Variants in BRCC3 observed in about 807,000 individuals in gnomAD.
The protein encoded by BRCC3 is BRCA1/BRCA2-containing complex subunit 3.
BRCC3 carries 15 observed loss-of-function variants against 28.0 expected under a neutral mutation model. That is an observed-to-expected ratio of 0.54 (90% confidence interval 0.36 to 0.82). The LOEUF (loss-of-function observed/expected upper bound fraction) is 0.82. BRCC3 is among the 40% of genes least tolerant of loss of function. The pLI is 0.01. For synonymous variants in BRCC3, 66 were observed against 80.3 expected (o/e 0.82, Z 0.95); for missense variants, 109 against 225.9 (o/e 0.48, Z 3.32).
At chrX:155,105,983 A>G (rs1366778040) in intron 7 of BRCC3, among the ~76,000 whole-genome samples, 1 of 112,278 alleles carries the variant, frequency 8.9e-6, no homozygotes, top group East Asian at 2.8e-4. Flanking sequence ...CACCACGCCC[A>G]TCCAAGACCC....
At chrX:155,121,085 A>G (rs782576728) in intron 10 of BRCC3, 138 bp from the exon 11 acceptor site, 5 of 111,773 alleles carry the variant, frequency 4.5e-5, no homozygotes, top group Non-Finnish European at 9.4e-5. Flanking sequence ...GTCATACTCT[A>G]TCTCTGGGGA....
chrX:155,091,364 C>T (rs782750456), intron 7 of BRCC3, among the ~76,000 whole-genome samples: 2 of 110,161 alleles, frequency 1.8e-5, no homozygotes, highest in African/African-American at 6.6e-5. Context: ...CTCCACCTCC[C>T]GGGTTCATGC....
intron 7 of BRCC3, chrX:155,099,397 G>A: frequency 1.7e-6 from 2 of 1,204,870 alleles, no homozygotes; most frequent in South Asian, 3.6e-5. Context: ...AAGGTAGGAG[G>A]GCAAAAAGGG....
At chrX:155,099,289 T>A (rs1397376131) in intron 7 of BRCC3, 13 of 1,199,560 alleles carry the variant, frequency 1.1e-5, no homozygotes, top group Non-Finnish European at 1.1e-5. Flanking sequence ...TGCTTCACCA[T>A]CTTGGTGTGT....
At chrX:155,072,872 T>C (rs2073998757) in intron 2 of BRCC3, among the ~76,000 whole-genome samples, 1 of 111,041 alleles carries the variant, frequency 9.0e-6, no homozygotes, top group Non-Finnish European at 1.9e-5. Context: ...TCAGTGTATT[T>C]CATGTTCTGT....
At chrX:155,089,433 CTT>C (rs1557295361) in intron 6 of BRCC3, 82 bp downstream of exon 6, 5 of 606,428 alleles carry the variant, frequency 8.2e-6, no homozygotes, top group Non-Finnish European at 2.5e-6. Flanking sequence ...AGAAAAATCT[CTT>C]TGCGATTTTA....
intron 5 of BRCC3, among the ~76,000 whole-genome samples, chrX:155,084,539 AT>A (rs2124255786): frequency 9.0e-6 from 1 of 111,429 alleles, no homozygotes; most frequent in South Asian, 3.8e-4. Context: ...ATTTTTTTGC[AT>A]TTTTAGTAGA....
intron 5 of BRCC3, among the ~76,000 whole-genome samples, chrX:155,087,562 G>A (rs906305829): frequency 3.2e-4 from 36 of 110,933 alleles, no homozygotes; most frequent in African/African-American, 1.2e-3. Flanking sequence ...GTGTAGATTT[G>A]AAGCCACAAA....
intron 7 of BRCC3, among the ~76,000 whole-genome samples, chrX:155,113,501 G>T (rs1033497916): frequency 9.0e-6 from 1 of 110,893 alleles, no homozygotes; most frequent in African/African-American, 3.3e-5. Flanking sequence ...AAACTTAAAT[G>T]AATTAAAGAC....
chrX:155,076,210 C>T (rs2074041097), intron 3 of BRCC3, among the ~76,000 whole-genome samples: 4 of 110,521 alleles, frequency 3.6e-5, no homozygotes, highest in African/African-American at 1.3e-4. Context: ...TTGAGACCAG[C>T]CTAGCCAATA....
At chrX:155,089,971 A>G (rs1557295438) in intron 6 of BRCC3, among the ~76,000 whole-genome samples, 1 of 112,168 alleles carries the variant, frequency 8.9e-6, no homozygotes. Context: ...TCATGGAGGT[A>G]AGAGTGAAGA....
intron 5 of BRCC3, among the ~76,000 whole-genome samples, chrX:155,085,390 T>C (rs1161180326): frequency 1.8e-5 from 2 of 112,595 alleles, no homozygotes; most frequent in African/African-American, 6.5e-5. Context: ...AGGGGCCCAG[T>C]GCATGTGACA....
chrX:155,115,362 C>T (rs1377926168), intron 7 of BRCC3, among the ~76,000 whole-genome samples: 1 of 111,614 alleles, frequency 9.0e-6, no homozygotes, highest in African/African-American at 3.3e-5. Context: ...AGCTGCCTTA[C>T]CACCATGTGC....
intron 5 of BRCC3, among the ~76,000 whole-genome samples, chrX:155,085,778 AG>A (rs1236172820): frequency 1.8e-5 from 2 of 111,852 alleles, no homozygotes; most frequent in Non-Finnish European, 3.8e-5. Flanking sequence ...GATCTCAAGC[AG>A]GGTCTTGGCT....
intron 3 of BRCC3, among the ~76,000 whole-genome samples, chrX:155,074,981 A>G (rs983147905): frequency 5.3e-5 from 6 of 112,628 alleles, no homozygotes; most frequent in Non-Finnish European, 1.1e-4. Context: ...ATCCATATAC[A>G]TAATTTTAAA....
At chrX:155,101,575 C>T (rs2074247241) in intron 7 of BRCC3, among the ~76,000 whole-genome samples, 1 of 111,949 alleles carries the variant, frequency 8.9e-6, no homozygotes, top group East Asian at 2.8e-4. Context: ...TTAATGTGAA[C>T]ACCTGGATCC....
At chrX:155,086,975 G>A (rs1217972688) in intron 5 of BRCC3, among the ~76,000 whole-genome samples, 1 of 112,220 alleles carries the variant, frequency 8.9e-6, no homozygotes, top group Non-Finnish European at 1.9e-5. Flanking sequence ...GAAAGGCTGA[G>A]AGGTGGCCAG....
chrX:155,108,048 C>T (rs1557297716), intron 7 of BRCC3, among the ~76,000 whole-genome samples: 1 of 111,963 alleles, frequency 8.9e-6, no homozygotes. Flanking sequence ...GCCTGTGAAA[C>T]TGTACTACAT....
In BRCC3 at chrX:155,121,675, T is replaced by C. The variant is rs2124317346; in HGVS notation, c.*471T>C. 1 of 112,553 alleles carries C rather than the reference T, an allele frequency of 8.9e-6. No individual in the cohort carries two copies. The highest frequency in any genetic ancestry group is 2.8e-4 in the East Asian group (1 of 3,605). The allele number at this position is 112,553 out of a possible 1,213,427, so 9.3% of individuals were successfully genotyped here. ...GGCTAGGTGACAAGTTCTTGGACTT[T>C]GCCCCGAAAGCACATCCATAAAAGA... is the stretch of plus-strand genomic sequence containing the variant. On this transcript the variant is annotated 3_prime_UTR_variant, in exon 11 of 11. Coordinates refer to ENST00000330045, the MANE Select transcript of BRCC3 (RefSeq NM_001018055.3).
Sources: allele counts gnomAD v4.1 joint callset (sites outside exome capture counted in the v4.1 genomes callset), GRCh38; gene constraint gnomAD v4.1.1; transcripts MANE v1.5; gene names NCBI Gene and HGNC (gene_info 2026-07-23, HGNC 2026-07-21).